GRM3: variants seen among roughly 807,000 people sequenced by gnomAD.
GRM3 encodes glutamate metabotropic receptor 3.
In GRM3, 26 loss-of-function variants were observed where a neutral mutation model predicts 70.5. The observed-to-expected ratio is 0.37, with a 90% CI of 0.27 to 0.51. The LOEUF (loss-of-function observed/expected upper bound fraction) is 0.51, where lower values mean the gene tolerates loss of function less well. GRM3 is among the 20% of genes least tolerant of loss of function. GRM3 has a pLI of 0.93. For missense variants in GRM3, 859 were observed against 1,123.8 expected (o/e 0.76, Z 3.37); for synonymous variants, 443 against 434.9 (o/e 1.02, Z -0.23).
chr7:86,864,007 T>G (rs1181055500), intron 5 of GRM3, among the ~76,000 whole-genome samples: 1 of 152,114 alleles, frequency 6.6e-6, no homozygotes, highest in African/African-American at 2.4e-5. Flanking sequence ...AGTTTTTAAT[T>G]TAATTTTATT....
intron 1 of GRM3, among the ~76,000 whole-genome samples, chr7:86,701,946 C>T (rs1794954720): frequency 6.6e-6 from 1 of 151,932 alleles, no homozygotes; most frequent in Non-Finnish European, 1.5e-5. Context: ...TACTTCATTA[C>T]ACTAAGGAAG....
chr7:86,725,876 G>A (rs1795581106), intron 1 of GRM3, among the ~76,000 whole-genome samples: 1 of 152,152 alleles, frequency 6.6e-6, no homozygotes, highest in Non-Finnish European at 1.5e-5. Context: ...GGAGGAAGAA[G>A]AGGAAGGGGA....
At chr7:86,755,978 C>A (rs1165605366) in intron 1 of GRM3, among the ~76,000 whole-genome samples, 1 of 152,072 alleles carries the variant, frequency 6.6e-6, no homozygotes, top group Non-Finnish European at 1.5e-5. Flanking sequence ...ACATATTGAC[C>A]ATTTTGGTAT....
intron 1 of GRM3, among the ~76,000 whole-genome samples, chr7:86,753,391 C>T (rs1300073848): frequency 6.6e-6 from 1 of 152,108 alleles, no homozygotes; most frequent in Admixed American, 6.6e-5. Context: ...TAGATTCAAA[C>T]ATTTCACTGA....
intron 3 of GRM3, among the ~76,000 whole-genome samples, chr7:86,823,919 A>G (rs1340774638): frequency 6.6e-6 from 1 of 152,150 alleles, no homozygotes; most frequent in Non-Finnish European, 1.5e-5. Context: ...AGGTGTCCTT[A>G]TGTATGAGCA....
At chr7:86,779,422 GCA>G (rs531068667) in intron 2 of GRM3, among the ~76,000 whole-genome samples, 15 of 150,430 alleles carry the variant, frequency 1.0e-4, no homozygotes, top group African/African-American at 2.2e-4. Context: ...GCACACGTGC[GCA>G]CACACACACA....
chr7:86,829,778 A>G (rs1035979156), intron 3 of GRM3, among the ~76,000 whole-genome samples: 1 of 152,220 alleles, frequency 6.6e-6, no homozygotes, highest in Non-Finnish European at 1.5e-5. Flanking sequence ...CAGATATAAT[A>G]ATAATGAAAA....
intron 3 of GRM3, among the ~76,000 whole-genome samples, chr7:86,816,275 T>C (rs1798012562): frequency 2.6e-5 from 4 of 151,922 alleles, no homozygotes; most frequent in South Asian, 4.1e-4. Flanking sequence ...TGAAGCTTAC[T>C]AAGCGACAAG....
At chr7:86,748,209 TC>T (rs1796150856) in intron 1 of GRM3, among the ~76,000 whole-genome samples, 2 of 152,164 alleles carry the variant, frequency 1.3e-5, no homozygotes, top group South Asian at 4.1e-4. Context: ...TGACCATCAA[TC>T]CCTGTTATTA....
chr7:86,848,774 T>G (rs1012979694), intron 4 of GRM3, among the ~76,000 whole-genome samples: 1 of 152,112 alleles, frequency 6.6e-6, no homozygotes, highest in Admixed American at 6.6e-5. Context: ...CAGTAGCAAG[T>G]TTTATGCAAT....
chr7:86,709,535 C>T (rs995350972), intron 1 of GRM3, among the ~76,000 whole-genome samples: 31 of 152,060 alleles, frequency 2.0e-4, no homozygotes, highest in Admixed American at 9.2e-4. Flanking sequence ...AGAAATGCCT[C>T]TTCCATCAGA....
Position 86,839,293 on chromosome 7 carries a change from G to A in GRM3, c.1779G>A (p.Met593Ile), listed in dbSNP as rs777494376. ...IACLGFMCTC[M>I]VVTVFIKHNN... ...GTCTGGGTTTTATGTGTACATGCAT[G>A]GTTGTAACTGTTTTTATCAAGCACA... Residue 593 changes from methionine to isoleucine, a missense_variant, in exon 4 of 6, where the codon ATG (methionine) becomes ATA (isoleucine). Coordinates refer to ENST00000361669, the MANE Select transcript of GRM3 (RefSeq NM_000840.3). The surrounding 1 kb of genome is among the most constrained non-coding windows in gnomAD (Gnocchi z 4.5). 1.2e-6 allele frequency: 2 copies of A among 1,613,508 alleles called. No homozygotes were observed. The highest frequency in any genetic ancestry group is 2.2e-5 in the South Asian group (2 of 91,060).
intron 1 of GRM3, among the ~76,000 whole-genome samples, chr7:86,656,107 A>T (rs1008861396): frequency 3.3e-5 from 5 of 151,992 alleles, no homozygotes; most frequent in Admixed American, 3.3e-4. Flanking sequence ...ACAGGAAAAA[A>T]TTCTTAGCAT....
intron 3 of GRM3, among the ~76,000 whole-genome samples, chr7:86,837,149 A>T (rs1798472531): frequency 6.6e-6 from 1 of 152,236 alleles, no homozygotes; most frequent in Non-Finnish European, 1.5e-5. Flanking sequence ...TTATAATAGA[A>T]CTTGATTCTG....
intron 5 of GRM3, among the ~76,000 whole-genome samples, chr7:86,852,673 G>A (rs1414780203): frequency 6.6e-6 from 1 of 152,072 alleles, no homozygotes; most frequent in Non-Finnish European, 1.5e-5. Context: ...ACAAATCAAT[G>A]AAGTAGTACC....
intron 2 of GRM3, among the ~76,000 whole-genome samples, chr7:86,774,710 G>GT (rs925696020): frequency 8.5e-5 from 13 of 152,174 alleles, no homozygotes; most frequent in African/African-American, 2.4e-4. Context: ...AGGACTAGTA[G>GT]TTTTTTTCCC....
At chr7:86,663,659 G>A (rs1793953995) in intron 1 of GRM3, among the ~76,000 whole-genome samples, 1 of 151,894 alleles carries the variant, frequency 6.6e-6, no homozygotes, top group African/African-American at 2.4e-5. Flanking sequence ...GTAGTCTTGG[G>A]GGCAGATCAG....
intron 1 of GRM3, 74 bp from the exon 2 acceptor site, chr7:86,764,932 C>G: frequency 9.5e-7 from 1 of 1,058,054 alleles, no homozygotes; most frequent in Non-Finnish European, 1.3e-6. Context: ...CATTAAAGGT[C>G]TGATTGGGCA....
intron 1 of GRM3, among the ~76,000 whole-genome samples, chr7:86,662,117 T>C (rs1294015297): frequency 2.6e-5 from 4 of 151,940 alleles, no homozygotes; most frequent in Non-Finnish European, 5.9e-5. Flanking sequence ...AAATTTACTA[T>C]TAAATGCTTC....
Sources: gnomAD v4.1 joint callset for allele counts (sites outside exome capture counted in the v4.1 genomes callset) on GRCh38, gnomAD v4.1.1 for gene constraint, Gnocchi (gnomAD v3.1) non-coding constraint, MANE v1.5 for transcripts, NCBI Gene and HGNC (gene_info 2026-07-23, HGNC 2026-07-21) for gene names.